Variants in SH2D3C observed in about 807,000 individuals in gnomAD.
SH2D3C encodes SH2 domain containing 3C.
In SH2D3C, 25 loss-of-function variants were observed where a neutral mutation model predicts 75.2. That is an observed-to-expected ratio of 0.33 (90% confidence interval 0.24 to 0.46). SH2D3C has a LOEUF of 0.46. Among genes scored for constraint, SH2D3C ranks in the 20% least tolerant of loss-of-function variants. The pLI, the probability that SH2D3C is intolerant of heterozygous loss-of-function variation, is 1.00. For synonymous variants in SH2D3C, 450 were observed against 473.7 expected, an observed-to-expected ratio of 0.95 and a Z score of 0.65; for missense variants, 933 against 1,165.3, an observed-to-expected ratio of 0.80 and a Z score of 2.90.
At chr9:127,757,010 A>G (rs2131778864) in intron 3 of SH2D3C, among the ~76,000 whole-genome samples, 1 of 151,554 alleles carries the variant, frequency 6.6e-6, no homozygotes, top group East Asian at 1.9e-4. Flanking sequence ...GCTCACTGCA[A>G]TCTCGGCCGC....
At chr9:127,756,016 T>G (rs558307033) in intron 3 of SH2D3C, among the ~76,000 whole-genome samples, 220 of 152,318 alleles carry the variant, frequency 1.4e-3, no homozygotes, top group Admixed American at 2.8e-3. Context: ...AACTGGACTT[T>G]TTGGCCTGGC....
In SH2D3C at chr9:127,741,948, A is replaced by G. The variant is rs994067813; in HGVS notation, c.1928T>C (p.Met643Thr). ...RLDLLERFHT[M>T]SIMLAVDILG... ...GATGTCCACGGCCAGCATGATGGACATGGTGTGGAACCTGTCAGAGCGGCG... is the reference window on the plus strand; with the variant it reads ...GATGTCCACGGCCAGCATGATGGACGTGGTGTGGAACCTGTCAGAGCGGCG... Residue 643 changes from methionine to threonine, a missense_variant, in exon 9 of 12, where the codon ATG becomes ACG. Physicochemically the swap from Met to Thr is moderately conservative, Grantham distance 81. Coordinates refer to ENST00000314830, the MANE Select transcript of SH2D3C (RefSeq NM_170600.3). 2.5e-6 allele frequency: 4 copies of G among 1,612,256 alleles called. No individual in the cohort carries two copies. The highest frequency in any genetic ancestry group is 3.4e-6 in the Non-Finnish European group (4 of 1,179,768).
intron 9 of SH2D3C, 74 bp downstream of exon 9, chr9:127,741,714 A>G (rs1032133592): frequency 2.0e-6 from 3 of 1,522,108 alleles, no homozygotes; most frequent in Non-Finnish European, 2.7e-6. Flanking sequence ...GATTCCATAT[A>G]CAGCCATCCC....
chr9:127,765,846 T>A (rs2131799838), intron 2 of SH2D3C, among the ~76,000 whole-genome samples: 1 of 152,348 alleles, frequency 6.6e-6, no homozygotes, highest in East Asian at 1.9e-4. Context: ...TCCTGCCATA[T>A]TAGTGGTGAA....
At chr9:127,757,660 T>TATTATTATTATC (rs1564419967) in intron 3 of SH2D3C, among the ~76,000 whole-genome samples, 13 of 147,038 alleles carry the variant, frequency 8.8e-5, no homozygotes, top group African/African-American at 3.3e-4. Context: ...TTATTATTAT[T>TATTATTATTATC]ATTATTATTT....
chr9:127,739,846 G>A lies in SH2D3C; in HGVS notation c.2243C>T (p.Pro748Leu), dbSNP rs370907369. ...LSNTTFPHVLPLITLLECDSA... is the reference protein window; with the variant it reads ...LSNTTFPHVLLLITLLECDSA... ...GTCACACTCCAGCAGGGTGATGAGG[G>A]GCAGCACATGAGGAAACGTGGTGTT... is the stretch of plus-strand genomic sequence containing the variant. The change falls in exon 11 of 12, where the codon CCC (proline) becomes CTC (leucine). Residue 748 changes from proline (P) to leucine (L), a missense_variant. Coordinates refer to ENST00000314830, the MANE Select transcript of SH2D3C (RefSeq NM_170600.3). The surrounding 1 kb of genome is among the most constrained non-coding windows in gnomAD (Gnocchi z 4.3). 6.4e-7 allele frequency: 1 copy of A among 1,569,950 alleles called. No homozygotes were observed. Among genetic ancestry groups the A allele is most frequent in the Admixed American group, 1.9e-5 (1 of 53,774 alleles).
At chr9:127,764,591 G>A (rs537910045) in intron 2 of SH2D3C, among the ~76,000 whole-genome samples, 2 of 152,008 alleles carry the variant, frequency 1.3e-5, no homozygotes, top group South Asian at 2.1e-4. Context: ...CCTCACCTGC[G>A]CTGCTCCATC....
chr9:127,775,865 G>A (rs1227858243), intron 1 of SH2D3C, among the ~76,000 whole-genome samples: 3 of 151,844 alleles, frequency 2.0e-5, no homozygotes, highest in African/African-American at 4.8e-5. Context: ...GTCTCGCTCT[G>A]TCACCCAGGC....
intron 8 of SH2D3C, among the ~76,000 whole-genome samples, chr9:127,742,369 T>C (rs564389399): frequency 1.1e-4 from 17 of 152,328 alleles, no homozygotes; most frequent in Non-Finnish European, 1.3e-4. Flanking sequence ...CCAGAGGAGC[T>C]GGGATTACAG....
Position 127,748,172 on chromosome 9 carries a change from G to A in SH2D3C, c.1140-901C>T, listed in dbSNP as rs3780655. Among the ~76,000 whole-genome samples the A allele has an allele frequency of 1.2e-4, 19 of 152,246 alleles. No individual in the cohort carries two copies. In the East Asian group the frequency reaches 3.7e-3, roughly 29 times the overall value. ...AACCTGGAGAATGGTCTGGGGAGAG[G>A]GGCTAGCAGGAAGAGTAGTGAGCCT... On this transcript the variant is annotated intron_variant, in intron 5 of 11. Transcript: ENST00000314830.
At chr9:127,771,559 A>T in intron 2 of SH2D3C, 1 of 346,128 alleles carries the variant, frequency 2.9e-6, no homozygotes, top group Non-Finnish European at 5.2e-6. Context: ...TCGCTTCCCC[A>T]GCAGCTCTCC....
intron 3 of SH2D3C, among the ~76,000 whole-genome samples, chr9:127,756,675 C>T (rs1379844811): frequency 7.7e-6 from 1 of 130,042 alleles, no homozygotes; most frequent in Non-Finnish European, 1.6e-5. Context: ...GATGGAGTCT[C>T]GCTCTGTCAC....
chr9:127,743,879 G>C (rs1844939161), intron 7 of SH2D3C, among the ~76,000 whole-genome samples: 1 of 151,850 alleles, frequency 6.6e-6, no homozygotes, highest in African/African-American at 2.4e-5. Flanking sequence ...TTTGTCCAGT[G>C]GCGGGGGGGC....
Position 127,744,858 on chromosome 9 carries a change from C to A in SH2D3C, c.1506G>T (p.Val502=), listed in dbSNP as rs1844975525. The change falls in exon 7 of 12, where the codon GTG becomes GTT. Residue 502 remains valine, a synonymous_variant. Transcript: ENST00000314830. ...TCGCTGCCCACTCTCGGCTGCCACG[C>A]ACGGGAGGCTGGAGCTGGCAGTAGT... ...SGHYCQLQPP[V]RGSREWAATE... is the part of the protein sequence containing the mutation. 1 of 1,613,952 alleles carries A rather than the reference C, an allele frequency of 6.2e-7. No individual in the cohort carries two copies. The highest frequency in any genetic ancestry group is 8.5e-7 in the Non-Finnish European group (1 of 1,180,006).
chr9:127,746,573 C>T (rs1331556655), intron 6 of SH2D3C, among the ~76,000 whole-genome samples: 7 of 152,154 alleles, frequency 4.6e-5, no homozygotes, highest in African/African-American at 1.4e-4. Context: ...GAGGCTGAGG[C>T]GGGTGGATCA....
In SH2D3C at chr9:127,747,132, C is replaced by G. The variant is rs371390805; in HGVS notation, c.1264+15G>C. 1 of 1,611,222 alleles carries G rather than the reference C, an allele frequency of 6.2e-7. No homozygotes were observed. Among genetic ancestry groups the G allele is most frequent in the Non-Finnish European group, 8.5e-7 (1 of 1,179,008 alleles). On this transcript the variant is annotated intron_variant, in intron 6 of 11. Coordinates refer to ENST00000314830, the MANE Select transcript of SH2D3C (RefSeq NM_170600.3). ...AGATTCCCTCCACCTGCTCCACCCC[C>G]TCTGCTGGCCATACCAGTGCTGTAG... is the stretch of plus-strand genomic sequence containing the variant.
At position 127,749,441 on chromosome 9, in the gene SH2D3C, G is replaced by T; in HGVS notation, c.909C>A (p.Ser303Arg). 6.2e-7 allele frequency: 1 copy of T among 1,614,178 alleles called. No individual in the cohort carries two copies. The highest frequency in any genetic ancestry group is 1.3e-5 in the African/African-American group (1 of 75,060). Residue 303 changes from serine to arginine, a missense_variant, in exon 5 of 12, where the codon AGC becomes AGA. By Grantham distance (110) the Ser-to-Arg change is moderately radical. Transcript: ENST00000314830. This position sits in a 1 kb window ranked among gnomAD's most constrained non-coding sequence, Gnocchi z 5.9. Reference protein sequence around the residue: ...VPALVRYHVGSRKAVSEQSGA... With the variant: ...VPALVRYHVGRRKAVSEQSGA... ...CACTCTGCTCTGACACAGCCTTGCG[G>T]CTGCCCACATGATAGCGCACGAGGG...
intron 7 of SH2D3C, among the ~76,000 whole-genome samples, chr9:127,743,301 G>A (rs1348036460): frequency 6.6e-6 from 1 of 152,136 alleles, no homozygotes; most frequent in Non-Finnish European, 1.5e-5. Context: ...TCAGGAGTTC[G>A]AGACCAGCCT....
rs1032496109 is a variant in SH2D3C at position 127,742,004 on chromosome 9, G to T, written c.1917-45C>A. ...AGAGGCGGCGGGCTCGGGGACAGGGGTGAGGGGTGCGGGCCTGGGGCGCTG... is the reference window on the plus strand; with the variant it reads ...AGAGGCGGCGGGCTCGGGGACAGGGTTGAGGGGTGCGGGCCTGGGGCGCTG... On this transcript the variant is annotated intron_variant, in intron 8 of 11. Transcript: ENST00000314830. 27 of 1,554,422 alleles carry T rather than the reference G, an allele frequency of 1.7e-5. No homozygotes were observed. In the African/African-American group the frequency reaches 3.5e-4, roughly 20 times the overall value.
Sources: gnomAD v4.1 joint callset for allele counts (sites outside exome capture counted in the v4.1 genomes callset) on GRCh38, gnomAD v4.1.1 for gene constraint, Gnocchi (gnomAD v3.1) non-coding constraint, MANE v1.5 for transcripts, NCBI Gene and HGNC (gene_info 2026-07-23, HGNC 2026-07-21) for gene names.